Variants in XKR5 observed in about 807,000 individuals in gnomAD.
XKR5 encodes XK-related protein 5.
XKR5 carries 46 observed loss-of-function variants against 40.8 expected under a neutral mutation model. That is an observed-to-expected ratio of 1.13 (90% confidence interval 0.89 to 1.44). XKR5 has a LOEUF of 1.44. Among genes scored for constraint, XKR5 ranks in the 40% most tolerant of loss-of-function variants. The probability of loss-of-function intolerance (pLI) is 0.00; values close to 1 mark genes in which losing one functional copy is unlikely to be tolerated. For missense variants in XKR5, 1,169 were observed against 844.7 expected (o/e 1.38, Z -4.76); for synonymous variants, 466 against 356.1 (o/e 1.31, Z -3.48).
At chr8:6,816,169 G>A (rs1440355321) in intron 5 of XKR5, among the ~76,000 whole-genome samples, 1 of 152,124 alleles carries the variant, frequency 6.6e-6, no homozygotes, top group Non-Finnish European at 1.5e-5. Context: ...GGAAATGTAA[G>A]GGCATCCCTC....
intron 1 of XKR5, among the ~76,000 whole-genome samples, chr8:6,835,140 G>T (rs2978897): frequency 2.0e-5 from 3 of 150,884 alleles, no homozygotes; most frequent in African/African-American, 4.9e-5. Context: ...TGCGTGGGGC[G>T]GGGGGATCGT....
At chr8:6,823,492 C>G in intron 4 of XKR5, 29 bp downstream of exon 4, 1 of 1,559,440 alleles carries the variant, frequency 6.4e-7, no homozygotes, top group African/African-American at 1.4e-5. Context: ...TATGCAGCAA[C>G]AGATGACCAG....
At chr8:6,817,216 G>A (rs1804000738) in intron 5 of XKR5, among the ~76,000 whole-genome samples, 1 of 152,148 alleles carries the variant, frequency 6.6e-6, no homozygotes, top group African/African-American at 2.4e-5. Flanking sequence ...ACTTCACCCA[G>A]AGATTGCATC....
chr8:6,811,759 G>C lies in XKR5; in HGVS notation c.1500C>G (p.Thr500=). 2 of 1,537,582 alleles carry C rather than the reference G, an allele frequency of 1.3e-6. No individual in the cohort carries two copies. The highest frequency in any genetic ancestry group is 1.7e-6 in the Non-Finnish European group (2 of 1,147,006). Residue 500 remains threonine, a synonymous_variant, in exon 7 of 7, where the codon ACC becomes ACG. Transcript: ENST00000618742. ...CCCCCTGCGTGGCTGCTGGGTTCTG[G>C]GTAGGTGCTTCATCCTGCTGATCGC... ...FASDQQDEAP[T]QNPAATQGEG...
intron 5 of XKR5, among the ~76,000 whole-genome samples, chr8:6,818,457 C>G (rs967677394): frequency 1.3e-5 from 2 of 152,244 alleles, no homozygotes; most frequent in African/African-American, 4.8e-5. Context: ...ACTGTGGTGT[C>G]TAACTCCATT....
At position 6,822,002 on chromosome 8, in the gene XKR5, G is replaced by C; in HGVS notation, c.674C>G (p.Ala225Gly). 1 of 1,606,102 alleles carries C rather than the reference G, an allele frequency of 6.2e-7. No homozygotes were observed. Among genetic ancestry groups the C allele is most frequent in the Non-Finnish European group, 8.5e-7 (1 of 1,176,586 alleles). ...GCTGTCGATGATGTCACTCTGCTGG[G>C]CGACAAGCCAGAATGTCATCACCAG... Reference protein sequence around the residue: ...HWLVMTFWLVAQQSDIIDSTC... With the variant: ...HWLVMTFWLVGQQSDIIDSTC... Residue 225 changes from alanine to glycine, a missense_variant, in exon 5 of 7, where the codon GCC becomes GGC. Coordinates refer to ENST00000618742, the MANE Select transcript of XKR5 (RefSeq NM_207411.5).
intron 2 of XKR5, among the ~76,000 whole-genome samples, chr8:6,831,362 G>C (rs1804754811): frequency 6.6e-6 from 1 of 152,190 alleles, no homozygotes; most frequent in African/African-American, 2.4e-5. Context: ...AATGCCTGTG[G>C]CTGCAAATAT....
At position 6,822,031 on chromosome 8, in the gene XKR5, G is replaced by C; in HGVS notation, c.645C>G (p.His215Gln). ...HFWVFVVAGAHWLVMTFWLVA... is the reference protein window; with the variant it reads ...HFWVFVVAGAQWLVMTFWLVA... Reference sequence around the variant, plus strand: ...CAAGCCAGAATGTCATCACCAGCCAGTGGGCACCTGCAGAGAAGCCGGGTG... The same window carrying C: ...CAAGCCAGAATGTCATCACCAGCCACTGGGCACCTGCAGAGAAGCCGGGTG... The change falls in exon 5 of 7, where the codon CAC (histidine) becomes CAG (glutamine). Residue 215 changes from histidine (H) to glutamine (Q), a missense_variant. Physicochemically the swap from His to Gln is conservative, Grantham distance 24. Coordinates refer to ENST00000618742, the MANE Select transcript of XKR5 (RefSeq NM_207411.5). The C allele has an allele frequency of 6.2e-7, 1 of 1,604,592 alleles. No individual in the cohort carries two copies. Among genetic ancestry groups the C allele is most frequent in the Non-Finnish European group, 8.5e-7 (1 of 1,175,460 alleles).
intron 1 of XKR5, among the ~76,000 whole-genome samples, chr8:6,834,462 C>G (rs1029401658): frequency 1.3e-5 from 2 of 152,224 alleles, no homozygotes; most frequent in African/African-American, 4.8e-5. Flanking sequence ...ACACCCAGTC[C>G]GTGCCCAGCT....
chr8:6,832,826 GC>G lies in XKR5; in HGVS notation c.132del (p.Phe47SerfsTer6). ...CTCAGGGCCTGGACCAAGAACCCGG[GC>G]AGGAGGACAGCAAGGGCCAGCCACC... ...LWGWLALAVL[L>X]PGFLVQALSY... On this transcript the variant is annotated frameshift_variant, in exon 2 of 7. Coordinates refer to ENST00000618742, the MANE Select transcript of XKR5 (RefSeq NM_207411.5). LOFTEE classifies it high-confidence loss of function. 1 of 1,612,300 alleles carries G rather than the reference GC, an allele frequency of 6.2e-7. No individual in the cohort carries two copies. Among genetic ancestry groups the G allele is most frequent in the Non-Finnish European group, 8.5e-7 (1 of 1,179,288 alleles).
intron 5 of XKR5, among the ~76,000 whole-genome samples, chr8:6,820,679 C>T (rs540139238): frequency 1.2e-4 from 18 of 152,340 alleles, no homozygotes; most frequent in East Asian, 1.2e-3. Flanking sequence ...ACAACACGCA[C>T]GCTGTTATGC....
chr8:6,823,739 G>A lies in XKR5; in HGVS notation c.428-9C>T, dbSNP rs573719053. ...AAACAGGGTGCTCACCCCTGAAAGGGAAGCAGAAAGATGTGGTATGCTCTG... is the reference window on the plus strand; with the variant it reads ...AAACAGGGTGCTCACCCCTGAAAGGAAAGCAGAAAGATGTGGTATGCTCTG... On this transcript the variant is annotated splice_polypyrimidine_tract_variant and intron_variant, in intron 3 of 6. Coordinates refer to ENST00000618742, the MANE Select transcript of XKR5 (RefSeq NM_207411.5). The A allele has an allele frequency of 8.3e-6, 13 of 1,557,726 alleles. No homozygotes were observed. In the East Asian group the frequency reaches 1.9e-4, roughly 23 times the overall value.
chr8:6,827,376 C>T (rs2980956), intron 2 of XKR5, among the ~76,000 whole-genome samples: 1,819 of 152,076 alleles, frequency 0.012, 65 homozygotes, highest in East Asian at 0.078. Context: ...TGCAAAACTC[C>T]CTGTAGAGAC....
chr8:6,815,894 G>A lies in XKR5; in HGVS notation c.832C>T (p.Leu278=), dbSNP rs1011311206. 1.2e-6 allele frequency: 2 copies of A among 1,602,572 alleles called. No individual in the cohort carries two copies. The highest frequency in any genetic ancestry group is 2.3e-5 in the East Asian group (1 of 44,350). ...YMVMLLENII[L]LLLATDFLQG... ...AGAAAGTCGGTGGCCAACAGCAACA[G>A]GATGATGTTCTCCAACAGCATGACC... The change falls in exon 6 of 7, where the codon CTG becomes TTG. Residue 278 remains leucine (L), a synonymous_variant. Coordinates refer to ENST00000618742, the MANE Select transcript of XKR5 (RefSeq NM_207411.5).
rs1202141348 is a variant in XKR5, at chr8:6,832,772, G to C, written c.187C>G (p.Pro63Ala). 4 of 1,613,398 alleles carry C rather than the reference G, an allele frequency of 2.5e-6. No homozygotes were observed. The highest frequency in any genetic ancestry group is 4.5e-5 in the East Asian group (2 of 44,866). ...SYLWFRADGH[P>A]GHCSLMMLHL... Reference sequence around the variant, plus strand: ...AGCATCATCAAGGAGCAATGCCCTGGATGCCCGTCTGCTCGGAACCACAGG... The same window carrying C: ...AGCATCATCAAGGAGCAATGCCCTGCATGCCCGTCTGCTCGGAACCACAGG... The change falls in exon 2 of 7, where the codon CCA becomes GCA. Residue 63 changes from proline to alanine, a missense_variant. Coordinates refer to ENST00000618742, the MANE Select transcript of XKR5 (RefSeq NM_207411.5).
At chr8:6,816,367 T>C (rs968702140) in intron 5 of XKR5, among the ~76,000 whole-genome samples, 4 of 152,050 alleles carry the variant, frequency 2.6e-5, no homozygotes, top group Admixed American at 1.3e-4. Flanking sequence ...TCTAACAACT[T>C]TAGGATTTTG....
chr8:6,827,148 A>G (rs1804527512), intron 2 of XKR5, among the ~76,000 whole-genome samples: 1 of 152,080 alleles, frequency 6.6e-6, no homozygotes, highest in Admixed American at 6.5e-5. Flanking sequence ...TCAGGCTTCG[A>G]GTCTCACCTG....
chr8:6,817,701 T>G (rs1772832076), intron 5 of XKR5, among the ~76,000 whole-genome samples: 1 of 152,224 alleles, frequency 6.6e-6, no homozygotes, highest in Non-Finnish European at 1.5e-5. Flanking sequence ...GCAGTTCCTT[T>G]AGAAAGCTTG....
intron 1 of XKR5, among the ~76,000 whole-genome samples, chr8:6,834,638 G>A (rs950533284): frequency 6.6e-6 from 1 of 152,042 alleles, no homozygotes. Context: ...CGAACTCAGG[G>A]AAAAGTCCCA....
Sources: gnomAD v4.1 joint callset for allele counts (sites outside exome capture counted in the v4.1 genomes callset) on GRCh38, gnomAD v4.1.1 for gene constraint, MANE v1.5 for transcripts, NCBI Gene and HGNC (gene_info 2026-07-23, HGNC 2026-07-21) for gene names.